Variants in MARCHF3 observed in about 807,000 individuals in gnomAD.
The protein encoded by MARCHF3 is membrane associated ring-CH-type finger 3, also known as E3 ubiquitin-protein ligase MARCHF3.
A neutral mutation model predicts 24.2 loss-of-function variants in MARCHF3; 13 were observed. The observed-to-expected ratio is 0.54, with a 90% CI of 0.35 to 0.85. The LOEUF is 0.85. Among genes scored for constraint, MARCHF3 ranks in the 40% least tolerant of loss-of-function variants. MARCHF3 has a pLI of 0.01. For missense variants in MARCHF3, 276 were observed against 325.0 expected (o/e 0.85, Z 1.16); for synonymous variants, 144 against 137.3 (o/e 1.05, Z -0.34).
intron 3 of MARCHF3, among the ~76,000 whole-genome samples, chr5:126,909,427 C>T (rs537039792): frequency 7.2e-5 from 11 of 152,224 alleles, no homozygotes; most frequent in African/African-American, 2.2e-4. Flanking sequence ...GCCTCGCTGT[C>T]GCCTTGCAGT....
intron 1 of MARCHF3, among the ~76,000 whole-genome samples, chr5:126,944,486 G>A (rs1749941182): frequency 6.6e-6 from 1 of 152,180 alleles, no homozygotes; most frequent in African/African-American, 2.4e-5. Context: ...AGGGGGCTGA[G>A]GCAGGGGAAC....
At chr5:126,924,162 G>A (rs531838028) in intron 1 of MARCHF3, among the ~76,000 whole-genome samples, 7 of 152,274 alleles carry the variant, frequency 4.6e-5, no homozygotes, top group East Asian at 3.9e-4. Context: ...GAAACCACCC[G>A]AGGCCCTAAG....
chr5:126,918,155 C>G lies in MARCHF3; in HGVS notation c.17G>C (p.Cys6Ser). Residue 6 changes from cysteine (C) to serine (S), a missense_variant, in exon 2 of 5, where the codon TGC (cysteine) becomes TCC (serine). Cys to Ser is a moderately radical substitution (Grantham distance 112, BLOSUM62 -1). Transcript: ENST00000308660. MTTSR[C>S]SHLPEVLPDC... is the part of the protein sequence containing the mutation. ...TGGCAGGACTTCGGGCAGGTGACTG[C>G]AGCGGCTGGTTGTCATGGTAACAGA... 1 of 1,613,452 alleles carries G rather than the reference C, an allele frequency of 6.2e-7. No homozygotes were observed. Among genetic ancestry groups the G allele is most frequent in the Non-Finnish European group, 8.5e-7 (1 of 1,179,832 alleles).
chr5:126,963,552 G>A (rs1750713565), intron 1 of MARCHF3, among the ~76,000 whole-genome samples: 1 of 152,112 alleles, frequency 6.6e-6, no homozygotes, highest in Non-Finnish European at 1.5e-5. Context: ...TGACGTAAGA[G>A]ATATTTGCTA....
chr5:126,871,910 T>G (rs1752979335), intron 4 of MARCHF3, among the ~76,000 whole-genome samples: 1 of 148,518 alleles, frequency 6.7e-6, no homozygotes, highest in Admixed American at 6.6e-5. Flanking sequence ...TTTCACCATG[T>G]TGGCCAGGCA....
At chr5:126,876,656 C>CTT (rs757243862) in intron 4 of MARCHF3, among the ~76,000 whole-genome samples, 5 of 147,576 alleles carry the variant, frequency 3.4e-5, no homozygotes, top group African/African-American at 9.9e-5. Context: ...GAAGCGTAGA[C>CTT]TTTTTTTTTT....
chr5:126,952,351 A>T (rs1750273907), intron 1 of MARCHF3, among the ~76,000 whole-genome samples: 1 of 152,160 alleles, frequency 6.6e-6, no homozygotes, highest in Non-Finnish European at 1.5e-5. Flanking sequence ...AAAATTTATA[A>T]AGGTAGTATA....
intron 1 of MARCHF3, among the ~76,000 whole-genome samples, chr5:126,926,137 A>C (rs4836303): frequency 0.99 from 150,190 of 152,332 alleles, 74,089 homozygotes; most frequent in East Asian, 1. Context: ...GCATAAGCAA[A>C]CCAGTATTAG....
At chr5:126,955,347 G>A (rs1750404109) in intron 1 of MARCHF3, among the ~76,000 whole-genome samples, 1 of 152,194 alleles carries the variant, frequency 6.6e-6, no homozygotes, top group African/African-American at 2.4e-5. Context: ...GCTTCTTTGG[G>A]AAATATTTGT....
chr5:126,962,418 GTGTGTGTGTA>G (rs1341856769), intron 1 of MARCHF3, among the ~76,000 whole-genome samples: 1 of 151,972 alleles, frequency 6.6e-6, no homozygotes. Context: ...TCATATATGT[GTGTGTGTGTA>G]TGTGTGTGTG....
intron 3 of MARCHF3, among the ~76,000 whole-genome samples, chr5:126,902,239 G>A (rs935187820): frequency 6.6e-5 from 10 of 152,218 alleles, no homozygotes; most frequent in South Asian, 4.1e-4. Context: ...CTTTGAAGGC[G>A]TTTGTTAATT....
chr5:127,016,765 A>G (rs1048578436), intron 1 of MARCHF3, among the ~76,000 whole-genome samples: 1 of 152,196 alleles, frequency 6.6e-6, no homozygotes, highest in Non-Finnish European at 1.5e-5. Flanking sequence ...TTGGGTATAT[A>G]CCCAAAGGAT....
intron 1 of MARCHF3, among the ~76,000 whole-genome samples, chr5:126,970,639 C>G (rs975279184): frequency 6.6e-6 from 1 of 152,076 alleles, no homozygotes; most frequent in Non-Finnish European, 1.5e-5. Flanking sequence ...CAGATTAAGC[C>G]AAAGTTAAAT....
intron 3 of MARCHF3, among the ~76,000 whole-genome samples, chr5:126,892,034 T>A (rs1416017672): frequency 6.6e-6 from 1 of 152,050 alleles, no homozygotes; most frequent in Non-Finnish European, 1.5e-5. Context: ...CTAGGTATTT[T>A]ATTCTCTTTG....
intron 3 of MARCHF3, 90 bp downstream of exon 3, chr5:126,914,840 A>G (rs1426312581): frequency 4.3e-5 from 55 of 1,272,998 alleles, no homozygotes; most frequent in Non-Finnish European, 5.7e-5. Flanking sequence ...GTGCTTCAGT[A>G]AAGCTGTACA....
intron 1 of MARCHF3, among the ~76,000 whole-genome samples, chr5:126,982,806 A>C (rs1189047327): frequency 6.6e-6 from 1 of 152,218 alleles, no homozygotes; most frequent in Non-Finnish European, 1.5e-5. Context: ...GTAGAGTACA[A>C]AGCTCAGAGA....
intron 1 of MARCHF3, among the ~76,000 whole-genome samples, chr5:126,970,474 CTTTTTTTT>C (rs528502923): frequency 6.9e-6 from 1 of 145,214 alleles, no homozygotes; most frequent in Non-Finnish European, 1.5e-5. Flanking sequence ...TACTTTTTTT[CTTTTTTTT>C]TTTTCTTTTG....
At chr5:126,890,303 ATACTT>A (rs1482542718) in intron 3 of MARCHF3, among the ~76,000 whole-genome samples, 1 of 149,584 alleles carries the variant, frequency 6.7e-6, no homozygotes, top group Non-Finnish European at 1.5e-5. Flanking sequence ...TTTTATTATT[ATACTT>A]TAAGTTTTAG....
chr5:127,015,946 T>C (rs2126860442), intron 1 of MARCHF3, among the ~76,000 whole-genome samples: 1 of 152,284 alleles, frequency 6.6e-6, no homozygotes, highest in East Asian at 1.9e-4. Context: ...CTACATTCCC[T>C]GCCTGTCAGT....
Sources: allele counts gnomAD v4.1 joint callset (sites outside exome capture counted in the v4.1 genomes callset), GRCh38; gene constraint gnomAD v4.1.1; transcripts MANE v1.5; gene names NCBI Gene and HGNC (gene_info 2026-07-23, HGNC 2026-07-21).